The following MTHFSD variants were observed in gnomAD, a reference collection of about 807,000 sequenced individuals.
MTHFSD encodes the protein methenyltetrahydrofolate synthase domain-containing protein.
Under a neutral mutation model 31.1 loss-of-function variants are expected in MTHFSD, and 37 were observed. That is an observed-to-expected ratio of 1.19 (90% CI 0.91 to 1.56). The LOEUF (loss-of-function observed/expected upper bound fraction) is 1.56. Among genes scored for constraint, MTHFSD ranks in the 40% most tolerant of loss-of-function variants. The probability of loss-of-function intolerance (pLI) is 0.00; values close to 1 mark genes in which losing one functional copy is unlikely to be tolerated. For synonymous variants in MTHFSD, 221 were observed against 206.9 expected, an observed-to-expected ratio of 1.07 and a Z score of -0.59; for missense variants, 664 against 510.1, an observed-to-expected ratio of 1.30 and a Z score of -2.91.
At chr16:86,544,497 T>A (rs1019578011) in intron 5 of MTHFSD, among the ~76,000 whole-genome samples, 49 of 152,304 alleles carry the variant, frequency 3.2e-4, no homozygotes, top group African/African-American at 1.1e-3. Context: ...TCACTGATCA[T>A]TAGAGGAATG....
At chr16:86,535,801 C>A (rs1970615390) in intron 7 of MTHFSD, among the ~76,000 whole-genome samples, 1 of 152,142 alleles carries the variant, frequency 6.6e-6, no homozygotes, top group Non-Finnish European at 1.5e-5. Flanking sequence ...CTCACTCTTG[C>A]ATTACCTGAC....
chr16:86,535,148 C>A (rs1349336996), intron 7 of MTHFSD: 7 of 762,508 alleles, frequency 9.2e-6, no homozygotes, highest in Non-Finnish European at 1.1e-5. Context: ...ATGAAAACAT[C>A]TTAACCACAC....
chr16:86,555,059 G>A (rs1415862357), intron 1 of MTHFSD, 110 bp downstream of exon 1: 5 of 1,478,338 alleles, frequency 3.4e-6, no homozygotes, highest in Non-Finnish European at 4.5e-6. Flanking sequence ...GCCGCTTCCG[G>A]TGATTCTGCC....
intron 7 of MTHFSD, chr16:86,532,777 A>T (rs1274530000): frequency 3.9e-6 from 1 of 253,780 alleles, no homozygotes; most frequent in African/African-American, 2.2e-5. Flanking sequence ...ATTTTCCTCC[A>T]GGCCCAGAAG....
At chr16:86,548,421 G>GTAC in intron 4 of MTHFSD, 43 bp downstream of exon 4, 1 of 1,484,448 alleles carries the variant, frequency 6.7e-7, no homozygotes, top group South Asian at 1.1e-5. Context: ...CCTTCACAGG[G>GTAC]TACAGTTCTT....
At chr16:86,541,344 C>T in intron 7 of MTHFSD, 4 of 761,382 alleles carry the variant, frequency 5.3e-6, no homozygotes, top group Non-Finnish European at 7.4e-6. Flanking sequence ...GAGATAACAC[C>T]AGGCAGAGCT....
intron 7 of MTHFSD, chr16:86,532,979 G>C (rs546664949): frequency 1.2e-4 from 19 of 152,504 alleles, no homozygotes; most frequent in African/African-American, 4.6e-4. Context: ...TAAGACCACA[G>C]GGGTCTCCTC....
In MTHFSD at chr16:86,546,591, A is replaced by G; in HGVS notation, c.410T>C (p.Val137Ala). Reference protein sequence around the residue: ...GLDSRVLVDLVVVGSVAVSEK... With the variant: ...GLDSRVLVDLAVVGSVAVSEK... The stretch of plus-strand genomic sequence containing the variant: ...AGAAACGGCGACGGATCCCACCACA[A>G]CTAAATCCACGAGGACTCTGGAGTC... Residue 137 changes from valine to alanine, a missense_variant, in exon 5 of 8, where the codon GTT becomes GCT. Val to Ala is a moderately conservative substitution (Grantham distance 64, BLOSUM62 0). Coordinates refer to ENST00000360900, the MANE Select transcript of MTHFSD (RefSeq NM_001159377.2). The G allele has an allele frequency of 6.2e-7, 1 of 1,613,990 alleles. No individual in the cohort carries two copies.
intron 7 of MTHFSD, among the ~76,000 whole-genome samples, chr16:86,539,705 G>A (rs766224507): frequency 1.3e-5 from 2 of 152,212 alleles, no homozygotes; most frequent in Non-Finnish European, 2.9e-5. Flanking sequence ...CACTCAAACA[G>A]AGCGTGTATT....
At position 86,542,012 on chromosome 16, in the gene MTHFSD, G is replaced by A; in HGVS notation, c.555+89C>T. Reference sequence around the variant, plus strand: ...TCCACACCACTCGCCACACAGCATGGTTCAGAAGCAGATGAGTCTCCTTCC... The same window carrying A: ...TCCACACCACTCGCCACACAGCATGATTCAGAAGCAGATGAGTCTCCTTCC... On this transcript the variant is annotated intron_variant, in intron 6 of 7. Transcript: ENST00000360900. This position sits in a 1 kb window ranked among gnomAD's most constrained non-coding sequence, Gnocchi z 4.6. The A allele has an allele frequency of 1.4e-6, 2 of 1,389,428 alleles. No individual in the cohort carries two copies. Among genetic ancestry groups the A allele is most frequent in the Non-Finnish European group, 1.0e-6 (1 of 997,720 alleles). The allele number at this position is 1,389,428 out of a possible 1,614,324, so 86.1% of individuals were successfully genotyped here. A position where few individuals can be genotyped will look rare whatever the true frequency, so the allele number is the denominator to read the frequency against.
intron 3 of MTHFSD, among the ~76,000 whole-genome samples, chr16:86,550,057 G>A (rs896273556): frequency 7.2e-5 from 11 of 152,182 alleles, no homozygotes; most frequent in South Asian, 6.2e-4. Context: ...CCAGCACTGC[G>A]GACTGTCCAG....
chr16:86,541,249 C>G (rs1971466195), intron 7 of MTHFSD: 2 of 1,284,616 alleles, frequency 1.6e-6, no homozygotes, highest in South Asian at 1.2e-5. Context: ...TTGGTACTGC[C>G]TCCTACTCAG....
Position 86,548,506 on chromosome 16 carries a change from AG to A in MTHFSD, c.308del (p.Pro103LeufsTer8), listed in dbSNP as rs757604018. 3.1e-6 allele frequency: 5 copies of A among 1,613,820 alleles called. No homozygotes were observed. The South Asian group carries it at 4.4e-5, about 14-fold the overall frequency. On this transcript the variant is annotated frameshift_variant, in exon 4 of 8. Coordinates refer to ENST00000360900, the MANE Select transcript of MTHFSD (RefSeq NM_001159377.2). LOFTEE classifies it high-confidence loss of function. ...TGLFNKITPP[P>X]GATKDILRKC... The stretch of plus-strand genomic sequence containing the variant: ...TTCTCAAGATGTCTTTAGTTGCCCC[AG>A]GGGGTGGTGTGATCTTATTAAACAA...
chr16:86,545,203 C>T (rs574447309), intron 5 of MTHFSD, among the ~76,000 whole-genome samples: 13 of 151,994 alleles, frequency 8.6e-5, no homozygotes, highest in Middle Eastern at 3.4e-3. Context: ...ACATGTATCC[C>T]GGAACTTAAA....
rs563081058 is a variant in MTHFSD at position 86,540,163 on chromosome 16, C to T, written c.681+1534G>A. 2.4e-4 allele frequency among the ~76,000 whole-genome samples: 36 copies of T among 152,268 alleles called. No individual in the cohort carries two copies. The South Asian group carries it at 4.1e-3, about 18-fold the overall frequency. ...GGGAGCTGTAGAAAGTGACTGATTT[C>T]CTCTGACCATGCAAAGGGATTATCA... is the stretch of plus-strand genomic sequence containing the variant. On this transcript the variant is annotated intron_variant, in intron 7 of 7. Coordinates refer to ENST00000360900, the MANE Select transcript of MTHFSD (RefSeq NM_001159377.2).
At chr16:86,547,506 G>C (rs750181954) in intron 4 of MTHFSD, 1 of 986,380 alleles carries the variant, frequency 1.0e-6, no homozygotes, top group African/African-American at 1.7e-5. Context: ...AGGAAACCCT[G>C]CACTGCAGGA....
chr16:86,532,234 A>C lies in MTHFSD; in HGVS notation c.929T>G (p.Val310Gly). The C allele has an allele frequency of 6.4e-7, 1 of 1,571,752 alleles. No homozygotes were observed. Among genetic ancestry groups the C allele is most frequent in the Admixed American group, 1.9e-5 (1 of 53,782 alleles). Residue 310 changes from valine (V) to glycine (G), a missense_variant, in exon 8 of 8, where the codon GTT (valine) becomes GGT (glycine). Val to Gly is a moderately radical substitution (Grantham distance 109). Coordinates refer to ENST00000360900, the MANE Select transcript of MTHFSD (RefSeq NM_001159377.2). ...ACGGGCGTCCCCGGGGAGGTTCCCA[A>C]CGTAAACATCGGCTGCAAGCGGGGC... ...EGAPLAADVYVGNLPGDARVS... is the reference protein window; with the variant it reads ...EGAPLAADVYGGNLPGDARVS...
At chr16:86,547,528 C>G in intron 4 of MTHFSD, 1 of 986,720 alleles carries the variant, frequency 1.0e-6, no homozygotes, top group Non-Finnish European at 1.2e-6. Flanking sequence ...ACCCTGTGTT[C>G]TCATCATCTC....
At chr16:86,554,181 T>C (rs2143944330) in intron 2 of MTHFSD, among the ~76,000 whole-genome samples, 1 of 152,296 alleles carries the variant, frequency 6.6e-6, no homozygotes, top group Admixed American at 6.5e-5. Context: ...GCTCATTCTT[T>C]GAGTCCACCC....
Sources: allele counts gnomAD v4.1 joint callset (sites outside exome capture counted in the v4.1 genomes callset), GRCh38; gene constraint gnomAD v4.1.1; non-coding constraint Gnocchi (gnomAD v3.1); transcripts MANE v1.5; gene names NCBI Gene and HGNC (gene_info 2026-07-23, HGNC 2026-07-21).